Variants in NRXN1 observed in about 807,000 individuals in gnomAD.
NRXN1 encodes neurexin 1, also known as neurexin-1.
A neutral mutation model predicts 150.9 loss-of-function variants in NRXN1; 39 were observed. The observed-to-expected ratio is 0.26, with a 90% CI of 0.20 to 0.34. The LOEUF is 0.34. Ranked by LOEUF, NRXN1 falls within the 10% of genes least tolerant of loss-of-function variation. The pLI is 1.00. For synonymous variants in NRXN1, 924 were observed against 757.0 expected, an observed-to-expected ratio of 1.22 and a Z score of -3.62; for missense variants, 1,815 against 1,949.9, an observed-to-expected ratio of 0.93 and a Z score of 1.30.
chr2:50,641,737 G>A (rs183414650), intron 5 of NRXN1, among the ~76,000 whole-genome samples: 32 of 152,160 alleles, frequency 2.1e-4, no homozygotes, highest in African/African-American at 7.7e-4. Context: ...ATCACATTCA[G>A]CAGAAAAGAT....
intron 2 of NRXN1, among the ~76,000 whole-genome samples, chr2:50,952,804 T>C (rs540440279): frequency 3.5e-4 from 53 of 152,284 alleles, no homozygotes; most frequent in African/African-American, 1.2e-3. Context: ...TCGTCATCTA[T>C]GCCAGATTCC....
chr2:50,791,335 C>CCTTAG (rs1261268084), intron 5 of NRXN1, among the ~76,000 whole-genome samples: 1 of 106,182 alleles, frequency 9.4e-6, no homozygotes, highest in Admixed American at 9.6e-5. Context: ...AAAAAAAAAT[C>CCTTAG]CTTAGCTTTG....
chr2:50,011,509 C>T (rs1225936817), intron 21 of NRXN1, among the ~76,000 whole-genome samples: 4 of 152,124 alleles, frequency 2.6e-5, no homozygotes, highest in Non-Finnish European at 5.9e-5. Context: ...TATAACCTTA[C>T]TTATCTTTGT....
chr2:50,115,984 T>C (rs1703007590), intron 18 of NRXN1, among the ~76,000 whole-genome samples: 1 of 152,158 alleles, frequency 6.6e-6, no homozygotes, highest in South Asian at 2.1e-4. Flanking sequence ...AGTAGTCATA[T>C]TTCTTCCCTA....
At chr2:51,004,677 G>A (rs1268775118) in intron 2 of NRXN1, among the ~76,000 whole-genome samples, 1 of 151,520 alleles carries the variant, frequency 6.6e-6, no homozygotes, top group African/African-American at 2.4e-5. Context: ...ACAAACATTT[G>A]CTCAAAAGGG....
chr2:50,525,981 T>C (rs923399802), intron 12 of NRXN1, among the ~76,000 whole-genome samples: 3 of 152,172 alleles, frequency 2.0e-5, no homozygotes, highest in Non-Finnish European at 4.4e-5. Context: ...GAAACATTCA[T>C]TCAGGTTTGA....
At chr2:50,583,930 A>G (rs777143865) in intron 8 of NRXN1, among the ~76,000 whole-genome samples, 1 of 152,068 alleles carries the variant, frequency 6.6e-6, no homozygotes, top group Non-Finnish European at 1.5e-5. Context: ...CCTCACCTTG[A>G]CCCCAAGTGA....
intron 17 of NRXN1, among the ~76,000 whole-genome samples, chr2:50,269,621 G>C (rs1192825272): frequency 1.3e-5 from 2 of 152,082 alleles, no homozygotes; most frequent in African/African-American, 4.8e-5. Flanking sequence ...GTTAAGTCCA[G>C]TAAAAATATG....
intron 19 of NRXN1, 65 bp from the exon 20 acceptor site, chr2:50,055,109 C>G (rs1481889465): frequency 8.9e-7 from 1 of 1,119,566 alleles, no homozygotes; most frequent in Non-Finnish European, 1.3e-6. Flanking sequence ...AAAGTTAATA[C>G]TTAAAGATTG....
rs2078125829 is a variant in NRXN1, at chr2:50,347,596, T to TCCGCG, written c.3365-110627_3365-110626insCGCGG. The TCCGCG allele has an allele frequency of 9.9e-7, 1 of 1,009,988 alleles. No individual in the cohort carries two copies. The highest frequency in any genetic ancestry group is 1.7e-5 in the African/African-American group (1 of 57,274). 62.6% of individuals were successfully genotyped at this position (1,009,988 alleles called of 1,614,324 possible). ...GCCTGCTCCCGAGGCAATCTCCGCGTCCGCCGCCTCCTGACACTTACGCCC... is the reference window on the plus strand; with the variant it reads ...GCCTGCTCCCGAGGCAATCTCCGCGTCCGCGCCGCCGCCTCCTGACACTTACGCCC... On this transcript the variant is annotated intron_variant, in intron 17 of 22. Transcript: ENST00000401669. This position sits in a 1 kb window ranked among gnomAD's most constrained non-coding sequence, Gnocchi z 4.9.
chr2:50,387,903 C>G (rs1292263123), intron 17 of NRXN1, among the ~76,000 whole-genome samples: 1 of 152,128 alleles, frequency 6.6e-6, no homozygotes, highest in African/African-American at 2.4e-5. Context: ...CAATAAATAT[C>G]AAATCCACTA....
rs1553516780 is a variant in NRXN1, at chr2:51,027,998, G to A, written c.276C>T (p.Ser92=). ...CAGGCTCAGCGCAGAAGATGGAGAA[G>A]CTGAGCTGCAGGCGGCCGCCGCGCG... The part of the protein sequence containing the change: ...ILTRGGRLQL[S]FSIFCAEPAT... The change falls in exon 2 of 23, where the codon AGC becomes AGT. Residue 92 remains serine, a synonymous_variant. Transcript: ENST00000401669. The A allele has an allele frequency of 3.1e-6, 5 of 1,600,618 alleles. No individual in the cohort carries two copies. The highest frequency in any genetic ancestry group is 3.4e-6 in the Non-Finnish European group (4 of 1,178,398).
chr2:50,536,948 C>T (rs1355300665), intron 10 of NRXN1, among the ~76,000 whole-genome samples: 1 of 152,138 alleles, frequency 6.6e-6, no homozygotes, highest in East Asian at 1.9e-4. Context: ...TGATAACATA[C>T]CCGTCTACTG....
At chr2:50,908,866 C>T (rs946097954) in intron 5 of NRXN1, among the ~76,000 whole-genome samples, 19 of 151,986 alleles carry the variant, frequency 1.3e-4, no homozygotes, top group Non-Finnish European at 2.5e-4. Context: ...TACCCTCTCA[C>T]CATGTGATGC....
intron 17 of NRXN1, among the ~76,000 whole-genome samples, chr2:50,443,524 G>C (rs957142123): frequency 2.0e-5 from 3 of 152,188 alleles, no homozygotes; most frequent in Non-Finnish European, 1.5e-5. Flanking sequence ...ATGTTACCGA[G>C]TAGAAAGGGA....
rs1459193116 is a variant in NRXN1, at chr2:50,329,575, AGTAGT to A, written c.3365-92610_3365-92606del. ...TTTAGATTAAACTATCATATATAAC[AGTAGT>A]GTGTGTGTGTGTGTGTGTGTGTGTG... On this transcript the variant is annotated intron_variant, in intron 17 of 22. Coordinates refer to ENST00000401669, the MANE Select transcript of NRXN1 (RefSeq NM_001330078.2). Among the ~76,000 whole-genome samples the A allele has an allele frequency of 5.9e-5, 5 of 84,626 alleles. No homozygotes were observed. In the East Asian group the frequency reaches 1.6e-3, roughly 27 times the overall value. 55.5% of individuals were successfully genotyped at this position (84,626 alleles called of 152,430 possible).
chr2:50,639,222 C>CTTTTTTT (rs34380621), intron 5 of NRXN1, among the ~76,000 whole-genome samples: 1 of 137,360 alleles, frequency 7.3e-6, no homozygotes, highest in Non-Finnish European at 1.5e-5. Flanking sequence ...TTCTTTCTTT[C>CTTTTTTT]TTTTTTTTTT....
At chr2:50,388,036 C>T (rs2081436646) in intron 17 of NRXN1, among the ~76,000 whole-genome samples, 1 of 152,152 alleles carries the variant, frequency 6.6e-6, no homozygotes, top group Non-Finnish European at 1.5e-5. Flanking sequence ...CAGTCCACAG[C>T]TTCATCTTTT....
intron 19 of NRXN1, among the ~76,000 whole-genome samples, chr2:50,080,586 T>C (rs967474676): frequency 6.6e-6 from 1 of 152,140 alleles, no homozygotes; most frequent in African/African-American, 2.4e-5. Context: ...TCTGAAACCA[T>C]GCATTTTGGT....
Sources: gnomAD v4.1 joint callset for allele counts (sites outside exome capture counted in the v4.1 genomes callset) on GRCh38, gnomAD v4.1.1 for gene constraint, Gnocchi (gnomAD v3.1) non-coding constraint, MANE v1.5 for transcripts, NCBI Gene and HGNC (gene_info 2026-07-23, HGNC 2026-07-21) for gene names.